NRG1: variants seen among roughly 807,000 people sequenced by gnomAD.
NRG1 encodes pro-neuregulin-1, membrane-bound isoform.
A neutral mutation model predicts 63.8 loss-of-function variants in NRG1; 18 were observed. The observed-to-expected ratio is 0.28, with a 90% CI of 0.19 to 0.42. The LOEUF (loss-of-function observed/expected upper bound fraction) is 0.42. NRG1 is among the 10% of genes least tolerant of loss of function. The probability of loss-of-function intolerance (pLI) is 1.00; values close to 1 mark genes in which losing one functional copy is unlikely to be tolerated. For synonymous variants in NRG1, 302 were observed against 301.3 expected (o/e 1.00, Z -0.02); for missense variants, 762 against 814.7 (o/e 0.94, Z 0.79).
intron 1 of NRG1, among the ~76,000 whole-genome samples, chr8:32,595,570 A>G (rs1843206363): frequency 6.6e-6 from 1 of 152,190 alleles, no homozygotes; most frequent in Non-Finnish European, 1.5e-5. Flanking sequence ...GAGAATATAA[A>G]GCTTGAAACT....
chr8:32,657,635 G>T (rs1185642340), intron 5 of NRG1, among the ~76,000 whole-genome samples: 1 of 152,158 alleles, frequency 6.6e-6, no homozygotes, highest in Admixed American at 6.5e-5. Flanking sequence ...AGCAATAAAA[G>T]CTCCATACAT....
chr8:31,879,057 A>G (rs983581736), intron 1 of NRG1, among the ~76,000 whole-genome samples: 4 of 152,194 alleles, frequency 2.6e-5, no homozygotes, highest in Admixed American at 2.0e-4. Flanking sequence ...TCTTTGCTGT[A>G]TTCCATTGGT....
At chr8:32,013,269 G>T (rs1343212788) in intron 1 of NRG1, among the ~76,000 whole-genome samples, 6 of 152,042 alleles carry the variant, frequency 3.9e-5, no homozygotes, top group Non-Finnish European at 5.9e-5. Flanking sequence ...AGACTGGAAA[G>T]AAATTTTAAA....
chr8:31,909,270 T>G (rs2129617035), intron 1 of NRG1, among the ~76,000 whole-genome samples: 1 of 152,300 alleles, frequency 6.6e-6, no homozygotes, highest in South Asian at 2.1e-4. Context: ...GGTTTTCAAC[T>G]ATATCTTTTT....
intron 1 of NRG1, among the ~76,000 whole-genome samples, chr8:32,273,373 T>A (rs1376445123): frequency 6.6e-6 from 1 of 152,118 alleles, no homozygotes; most frequent in African/African-American, 2.4e-5. Context: ...AGGAAAAAAA[T>A]GTCAGGATAT....
chr8:32,492,888 C>T (rs778900122), intron 1 of NRG1, among the ~76,000 whole-genome samples: 16 of 151,994 alleles, frequency 1.1e-4, no homozygotes, highest in Non-Finnish European at 2.4e-4. Context: ...GGGTTAAATT[C>T]ATGTATTTTT....
intron 5 of NRG1, among the ~76,000 whole-genome samples, chr8:32,675,428 A>G (rs1382314737): frequency 6.6e-6 from 1 of 152,352 alleles, no homozygotes; most frequent in South Asian, 2.1e-4. Flanking sequence ...GACTTTGTCA[A>G]TCTGACTTTT....
At chr8:31,742,446 T>A (rs1261421576) in intron 1 of NRG1, among the ~76,000 whole-genome samples, 1 of 136,152 alleles carries the variant, frequency 7.3e-6, no homozygotes, top group Non-Finnish European at 1.5e-5. Context: ...ACAGACAACT[T>A]TTTTAAGAAT....
At chr8:32,474,173 G>T (rs1169461031) in intron 1 of NRG1, among the ~76,000 whole-genome samples, 1 of 152,142 alleles carries the variant, frequency 6.6e-6, no homozygotes, top group Non-Finnish European at 1.5e-5. Flanking sequence ...CATACTTGTA[G>T]GTAAAACAAT....
intron 5 of NRG1, among the ~76,000 whole-genome samples, chr8:32,641,582 C>G (rs968551511): frequency 5.3e-5 from 8 of 152,240 alleles, no homozygotes; most frequent in Admixed American, 2.0e-4. Context: ...GAAATTCTCA[C>G]ATCCTCATCT....
At chr8:32,177,898 A>G (rs1347431524) in intron 1 of NRG1, among the ~76,000 whole-genome samples, 8 of 152,196 alleles carry the variant, frequency 5.3e-5, no homozygotes, top group Non-Finnish European at 1.0e-4. Context: ...AGAGAAAGGA[A>G]GCAACACTTG....
chr8:32,613,110 G>A (rs998383345), intron 3 of NRG1, among the ~76,000 whole-genome samples: 3 of 151,926 alleles, frequency 2.0e-5, no homozygotes, highest in African/African-American at 4.8e-5. Context: ...AGAAAATGAT[G>A]TACCCTCACA....
intron 1 of NRG1, among the ~76,000 whole-genome samples, chr8:31,930,769 CACT>C (rs1462041364): frequency 6.6e-6 from 1 of 152,102 alleles, no homozygotes; most frequent in East Asian, 1.9e-4. Context: ...ATGAAACCAC[CACT>C]GACTTTTTTA....
chr8:32,010,126 A>G (rs1430814612), intron 1 of NRG1, among the ~76,000 whole-genome samples: 2 of 152,032 alleles, frequency 1.3e-5, no homozygotes, highest in East Asian at 1.9e-4. Context: ...TCTTGCAACA[A>G]TAGCTTGCGT....
chr8:31,869,762 A>G (rs974690912), intron 1 of NRG1, among the ~76,000 whole-genome samples: 1 of 152,196 alleles, frequency 6.6e-6, no homozygotes, highest in South Asian at 2.1e-4. Flanking sequence ...GGAATTGTTA[A>G]GTTGGTATAA....
At chr8:32,689,094 A>G (rs922704546) in intron 5 of NRG1, among the ~76,000 whole-genome samples, 12 of 152,206 alleles carry the variant, frequency 7.9e-5, no homozygotes, top group African/African-American at 2.7e-4. Context: ...GCAACCGTAC[A>G]GCCAACTGTA....
At chr8:31,660,733 T>A (rs1805907367) in intron 1 of NRG1, among the ~76,000 whole-genome samples, 1 of 152,210 alleles carries the variant, frequency 6.6e-6, no homozygotes, top group Non-Finnish European at 1.5e-5. Context: ...AGTTTCTCTT[T>A]TAGTAGAAGG....
chr8:32,244,731 G>C (rs762426133), intron 1 of NRG1, among the ~76,000 whole-genome samples: 2 of 152,148 alleles, frequency 1.3e-5, no homozygotes, highest in Non-Finnish European at 2.9e-5. Context: ...CAGGGTCTAA[G>C]AAATAGTCTC....
At position 32,370,675 on chromosome 8, in the gene NRG1, T is replaced by C. The variant is rs867750930; in HGVS notation, c.38-225153T>C. Among the ~76,000 whole-genome samples the C allele has an allele frequency of 9.7e-4, 147 of 151,790 alleles. 1 individual carries two copies. The highest frequency in any genetic ancestry group is 3.4e-3 in the African/African-American group (139 of 41,416). On this transcript the variant is annotated intron_variant, in intron 1 of 10. Coordinates refer to the NRG1 transcript ENST00000519301. ...GAGTTTGAGACCAGCCTGGCCAACATGGTGAAACCCTGTCGCTACTGAAAA... is the reference window on the plus strand; with the variant it reads ...GAGTTTGAGACCAGCCTGGCCAACACGGTGAAACCCTGTCGCTACTGAAAA...
Sources: allele counts gnomAD v4.1 joint callset (sites outside exome capture counted in the v4.1 genomes callset), GRCh38; gene constraint gnomAD v4.1.1; transcripts MANE v1.5; gene names NCBI Gene and HGNC (gene_info 2026-07-23, HGNC 2026-07-21).